Variants in SMIM14 observed in about 807,000 individuals in gnomAD.
The protein encoded by SMIM14 is small integral membrane protein 14, also known as chromosome 4 open reading frame 34.
In SMIM14, 5 loss-of-function variants were observed where a neutral mutation model predicts 12.6. The ratio of observed to expected loss-of-function variants is 0.40; its 90% CI spans 0.21 to 0.83. The LOEUF is 0.83. Ranked by LOEUF, SMIM14 falls within the 40% of genes least tolerant of loss-of-function variation. The pLI, the probability that SMIM14 is intolerant of heterozygous loss-of-function variation, is 0.37. For synonymous variants in SMIM14, 30 were observed against 40.1 expected, an observed-to-expected ratio of 0.75 and a Z score of 0.95; for missense variants, 86 against 119.1, an observed-to-expected ratio of 0.72 and a Z score of 1.29.
At chr4:39,597,581 T>C (rs1259084332) in intron 2 of SMIM14, among the ~76,000 whole-genome samples, 2 of 151,726 alleles carry the variant, frequency 1.3e-5, no homozygotes, top group Non-Finnish European at 2.9e-5. Context: ...GTAGCTGGGA[T>C]TACAGGCACC....
intron 1 of SMIM14, among the ~76,000 whole-genome samples, chr4:39,622,148 A>C (rs1468042466): frequency 2.1e-5 from 3 of 140,970 alleles, no homozygotes; most frequent in Admixed American, 1.4e-4. Context: ...CAGTGGCACG[A>C]TCTCGGTTCA....
chr4:39,579,270 T>G (rs1713367915), intron 2 of SMIM14, among the ~76,000 whole-genome samples: 1 of 150,532 alleles, frequency 6.6e-6, no homozygotes, highest in Admixed American at 6.6e-5. Context: ...ATTATCTGGA[T>G]GTGGTGATGT....
intron 1 of SMIM14, among the ~76,000 whole-genome samples, chr4:39,624,947 C>A (rs1715635779): frequency 6.6e-6 from 1 of 151,362 alleles, no homozygotes; most frequent in Non-Finnish European, 1.5e-5. Context: ...TGGCTCACAC[C>A]TATAATCCCA....
intron 2 of SMIM14, among the ~76,000 whole-genome samples, chr4:39,577,586 C>G (rs1294578157): frequency 6.6e-6 from 1 of 151,982 alleles, no homozygotes; most frequent in African/African-American, 2.4e-5. Context: ...CACCATCACA[C>G]CCAGCTAATT....
chr4:39,590,693 T>C (rs998577617), intron 2 of SMIM14, among the ~76,000 whole-genome samples: 2 of 151,848 alleles, frequency 1.3e-5, no homozygotes, highest in African/African-American at 2.4e-5. Flanking sequence ...TCCCAGCTAC[T>C]TGGGAGGCTG....
chr4:39,562,940 A>G (rs1218688165), intron 3 of SMIM14, among the ~76,000 whole-genome samples: 1 of 152,012 alleles, frequency 6.6e-6, no homozygotes, highest in African/African-American at 2.4e-5. Flanking sequence ...TACTGTGCCC[A>G]GCAACTCTAA....
At chr4:39,592,992 CA>C (rs1432147484) in intron 2 of SMIM14, 2 of 151,846 alleles carry the variant, frequency 1.3e-5, no homozygotes, top group African/African-American at 4.8e-5. Flanking sequence ...GAACTGGTAC[CA>C]TTCCTTCTGA....
intron 2 of SMIM14, among the ~76,000 whole-genome samples, chr4:39,603,198 G>A (rs1050812317): frequency 1.3e-5 from 2 of 152,170 alleles, no homozygotes. Context: ...CCAGTATAAT[G>A]TGTAATATAA....
At position 39,547,018 on chromosome 4, in the gene SMIM14, A is replaced by G. The variant is rs1434502837; in HGVS notation, c.*5108T>C. ...TATTAGTCCCTCAAAGTAAATGTCT[A>G]TTTTACCTGGTATTCTAGGAAGAGA... On this transcript the variant is annotated 3_prime_UTR_variant, in exon 5 of 5. Coordinates refer to ENST00000295958, the MANE Select transcript of SMIM14 (RefSeq NM_174921.3). The G allele has an allele frequency of 6.6e-6, 1 of 152,178 alleles. No homozygotes were observed. Among genetic ancestry groups the G allele is most frequent in the African/African-American group, 2.4e-5 (1 of 41,450 alleles). The allele number at this position is 152,178 out of a possible 1,614,324, so 9.4% of individuals were successfully genotyped here.
At position 39,550,706 on chromosome 4, in the gene SMIM14, C is replaced by A. The variant is rs1045565561; in HGVS notation, c.*1420G>T. Reference sequence around the variant, plus strand: ...TATTAACATTCCTTCCTACCCCAATCCATCCCATCACCAAACAGGAATGAG... The same window carrying A: ...TATTAACATTCCTTCCTACCCCAATACATCCCATCACCAAACAGGAATGAG... On this transcript the variant is annotated 3_prime_UTR_variant, in exon 5 of 5. Transcript: ENST00000295958. The A allele has an allele frequency of 6.6e-6, 1 of 152,180 alleles. No homozygotes were observed. Among genetic ancestry groups the A allele is most frequent in the African/African-American group, 2.4e-5 (1 of 41,436 alleles). 9.4% of individuals were successfully genotyped at this position (152,180 alleles called of 1,614,324 possible).
intron 2 of SMIM14, among the ~76,000 whole-genome samples, chr4:39,604,562 C>T (rs1708757233): frequency 6.6e-6 from 1 of 151,518 alleles, no homozygotes; most frequent in African/African-American, 2.4e-5. Flanking sequence ...ATAATAATAA[C>T]AATAATAAAG....
chr4:39,563,816 G>A (rs1233250719), intron 3 of SMIM14, among the ~76,000 whole-genome samples: 2 of 152,102 alleles, frequency 1.3e-5, no homozygotes, highest in African/African-American at 4.8e-5. Flanking sequence ...CTGTTTGACT[G>A]TACCACCTCT....
At chr4:39,589,546 C>A (rs1212387109) in intron 2 of SMIM14, 1 of 152,200 alleles carries the variant, frequency 6.6e-6, no homozygotes, top group East Asian at 1.9e-4. Context: ...TGAGCATAAT[C>A]CAAGTTCGCA....
intron 1 of SMIM14, among the ~76,000 whole-genome samples, chr4:39,637,688 T>C (rs1716149629): frequency 2.0e-5 from 3 of 151,948 alleles, no homozygotes; most frequent in Admixed American, 2.0e-4. Flanking sequence ...CGGAGCAGGC[T>C]ACACTAAAGG....
intron 4 of SMIM14, among the ~76,000 whole-genome samples, chr4:39,555,210 G>T (rs534248355): frequency 6.6e-6 from 1 of 151,550 alleles, no homozygotes; most frequent in Non-Finnish European, 1.5e-5. Context: ...GTTCTGAAAA[G>T]GATTAAAAGG....
chr4:39,584,503 A>AAAAAAAAAAAAAAAAAAAAAAAAAAC (rs1560293029), intron 2 of SMIM14, among the ~76,000 whole-genome samples: 1 of 139,020 alleles, frequency 7.2e-6, no homozygotes, highest in Non-Finnish European at 1.6e-5. Context: ...AAAAAAAAAA[A>AAAAAAAAAAAAAAAAAAAAAAAAAAC]AAGACAAACA....
intron 1 of SMIM14, among the ~76,000 whole-genome samples, chr4:39,619,765 TCA>T: frequency 1.5e-5 from 2 of 137,234 alleles, no homozygotes; most frequent in African/African-American, 5.5e-5. Flanking sequence ...TATATATATA[TCA>T]ATAAATAATT....
intron 3 of SMIM14, among the ~76,000 whole-genome samples, chr4:39,557,510 G>A (rs1712078331): frequency 6.6e-6 from 1 of 152,022 alleles, no homozygotes; most frequent in Admixed American, 6.6e-5. Context: ...GTCTTGCAAG[G>A]CAAGCCGGCC....
At chr4:39,563,664 A>C (rs1712433108) in intron 3 of SMIM14, among the ~76,000 whole-genome samples, 1 of 152,054 alleles carries the variant, frequency 6.6e-6, no homozygotes, top group Admixed American at 6.6e-5. Context: ...CCTATAACCT[A>C]CATCCCTCTT....
Sources: gnomAD v4.1 joint callset for allele counts (sites outside exome capture counted in the v4.1 genomes callset) on GRCh38, gnomAD v4.1.1 for gene constraint, MANE v1.5 for transcripts, NCBI Gene and HGNC (gene_info 2026-07-23, HGNC 2026-07-21) for gene names.